Variants in HYDIN observed in about 807,000 individuals in gnomAD.
HYDIN encodes HYDIN axonemal central pair apparatus protein.
A neutral mutation model predicts 403.9 loss-of-function variants in HYDIN; 132 were observed. The observed-to-expected ratio is 0.33, with a 90% CI of 0.28 to 0.38. The LOEUF is 0.38. Among genes scored for constraint, HYDIN ranks in the 10% least tolerant of loss-of-function variants. The probability of loss-of-function intolerance (pLI) is 1.00; values close to 1 mark genes in which losing one functional copy is unlikely to be tolerated. For missense variants in HYDIN, 2,827 were observed against 5,009.5 expected (o/e 0.56, Z 13.15); for synonymous variants, 1,202 against 1,891.7 (o/e 0.64, Z 9.46).
rs1356601232 is a variant in HYDIN, at chr16:70,802,294, T to A, written c.*5286A>T. On this transcript the variant is annotated 3_prime_UTR_variant, in exon 86 of 86. Transcript: ENST00000393567. ...TCAGCGTGAACAAGACTTGTAAATA[T>A]GATGGGCTATGCATCACTCACATGA... The A allele has an allele frequency of 6.6e-6, 1 of 152,196 alleles. No individual in the cohort carries two copies. Among genetic ancestry groups the A allele is most frequent in the African/African-American group, 2.4e-5 (1 of 41,444 alleles). The allele number at this position is 152,196 out of a possible 1,614,324, so 9.4% of individuals were successfully genotyped here. A position where few individuals can be genotyped will look rare whatever the true frequency, so the allele number is the denominator to read the frequency against.
chr16:70,834,872 A>ATGTG (rs144727422), intron 78 of HYDIN, among the ~76,000 whole-genome samples: 42 of 147,592 alleles, frequency 2.8e-4, no homozygotes, highest in African/African-American at 9.9e-4. Context: ...AAACATATAT[A>ATGTG]TATGTGTGTG....
chr16:70,957,483 C>T (rs1222316506), intron 39 of HYDIN, among the ~76,000 whole-genome samples: 10 of 151,980 alleles, frequency 6.6e-5, no homozygotes, highest in Non-Finnish European at 1.3e-4. Context: ...CCTGCTACCA[C>T]GCCCGGCTAA....
intron 23 of HYDIN, among the ~76,000 whole-genome samples, chr16:70,997,077 G>C (rs1165835096): frequency 6.6e-6 from 1 of 151,608 alleles, no homozygotes; most frequent in Non-Finnish European, 1.5e-5. Flanking sequence ...ATCCTCATAA[G>C]GAGCATGCAA....
chr16:71,056,169 C>G (rs1350647964), intron 18 of HYDIN, among the ~76,000 whole-genome samples: 4 of 140,492 alleles, frequency 2.8e-5, no homozygotes, highest in Non-Finnish European at 4.6e-5. Flanking sequence ...ACCAGAGGTG[C>G]CTTATTTGAT....
At position 70,947,420 on chromosome 16, in the gene HYDIN, T is replaced by C. The variant is rs2077906958; in HGVS notation, c.6532-3471A>G. Among the ~76,000 whole-genome samples, 3 of 152,210 alleles carry C rather than the reference T, an allele frequency of 2.0e-5. No individual in the cohort carries two copies. The South Asian group carries it at 6.2e-4, about 32-fold the overall frequency. On this transcript the variant is annotated intron_variant, in intron 41 of 85. Transcript: ENST00000393567. ...TGATCATGGTGGATAAGCTTTCTGA[T>C]GTGCTGCTGGATTCGGTTTGCCAGT...
intron 58 of HYDIN, among the ~76,000 whole-genome samples, chr16:70,887,727 C>CA (rs2041226062): frequency 6.7e-6 from 1 of 148,256 alleles, no homozygotes; most frequent in African/African-American, 2.5e-5. Context: ...TCTGTTGCCC[C>CA]AGCTGGAGTG....
In HYDIN at chr16:71,066,711, T is replaced by A. The variant is rs545698188; in HGVS notation, c.2075+579A>T. The A allele has an allele frequency of 6.3e-5, 23 of 366,234 alleles. No homozygotes were observed. The East Asian group carries it at 1.2e-3, about 19-fold the overall frequency. The allele number at this position is 366,234 out of a possible 1,614,324, so 22.7% of individuals were successfully genotyped here. A position where few individuals can be genotyped will look rare whatever the true frequency, so the allele number is the denominator to read the frequency against. On this transcript the variant is annotated intron_variant, in intron 15 of 85. Transcript: ENST00000393567. ...CAAAAGGACACAGTCAACAAATGGC[T>A]GAGCCAGGATTTTAACCCAGCTGCC...
intron 13 of HYDIN, among the ~76,000 whole-genome samples, chr16:71,074,613 C>T (rs1387288223): frequency 1.2e-4 from 15 of 125,072 alleles, no homozygotes; most frequent in African/African-American, 3.6e-4. Context: ...GCTCCGGAGG[C>T]GGAGATTGCA....
chr16:70,926,479 G>T (rs1017802225), intron 45 of HYDIN, among the ~76,000 whole-genome samples: 4 of 151,802 alleles, frequency 2.6e-5, no homozygotes, highest in Non-Finnish European at 5.9e-5. Flanking sequence ...GGGGAGAGGG[G>T]AGGGATAGCA....
In HYDIN at chr16:71,020,265, A is replaced by G. The variant is rs774421883; in HGVS notation, c.3239T>C (p.Ile1080Thr). ...PDYQPLAIKN[I>T]STLPVNLLLS... ...CAACAAGTTCACGGGCAGGGTGGAA[A>G]TGTTCTTTATGGCCAAGGGCTGGTA... is the stretch of plus-strand genomic sequence containing the variant. The change falls in exon 22 of 86, where the codon ATT becomes ACT. Residue 1080 changes from isoleucine to threonine, a missense_variant. Physicochemically the swap from Ile to Thr is moderately conservative, Grantham distance 89. Transcript: ENST00000393567. The G allele has an allele frequency of 9.9e-5, 160 of 1,613,990 alleles. No homozygotes were observed. The highest frequency in any genetic ancestry group is 1.3e-4 in the Non-Finnish European group (158 of 1,180,018).
Position 71,145,991 on chromosome 16 carries a change from CAACA to C in HYDIN, c.841+6664_841+6667del, listed in dbSNP as rs529544499. ...CTCTAAATCAGCTGAACTCAAAACT[CAACA>C]AATAGCGTTTTTTGAAATTATACCC... On this transcript the variant is annotated intron_variant, in intron 7 of 85. Coordinates refer to ENST00000393567, the MANE Select transcript of HYDIN (RefSeq NM_001270974.2). Among the ~76,000 whole-genome samples the C allele has an allele frequency of 1.1e-3, 167 of 152,258 alleles. No homozygotes were observed. The South Asian group carries it at 0.018, about 16-fold the overall frequency.
rs746248081 is a variant in HYDIN at position 70,874,852 on chromosome 16, A to G, written c.10625T>C (p.Ile3542Thr). The G allele has an allele frequency of 1.2e-6, 2 of 1,613,538 alleles. No individual in the cohort carries two copies. The highest frequency in any genetic ancestry group is 8.5e-7 in the Non-Finnish European group (1 of 1,179,828). ...SLKGRPTTAY[I>T]YITEENKPHV... is the part of the protein sequence containing the mutation. ...TGGTTTATTTTCCTCTGTGATGTAG[A>G]TATACGCGGTGGTGGGCCTCCCTTT... is the stretch of plus-strand genomic sequence containing the variant. The change falls in exon 63 of 86, where the codon ATC becomes ACC. Residue 3542 changes from isoleucine (I) to threonine (T), a missense_variant. Coordinates refer to ENST00000393567, the MANE Select transcript of HYDIN (RefSeq NM_001270974.2).
At chr16:70,854,396 G>A (rs796366027) in intron 73 of HYDIN, among the ~76,000 whole-genome samples, 16 of 149,142 alleles carry the variant, frequency 1.1e-4, no homozygotes, top group African/African-American at 2.2e-4. Context: ...CACCACACCC[G>A]GCTAATTATT....
intron 16 of HYDIN, 175 bp from the exon 17 acceptor site, chr16:71,062,508 G>C (rs2082125756): frequency 3.6e-6 from 2 of 557,324 alleles, no homozygotes; most frequent in African/African-American, 1.9e-5. Flanking sequence ...TTGGTTAAGT[G>C]GGATGTGCGT....
intron 9 of HYDIN, among the ~76,000 whole-genome samples, chr16:71,116,050 G>A (rs911798262): frequency 8.6e-5 from 13 of 151,964 alleles, no homozygotes; most frequent in Non-Finnish European, 1.8e-4. Context: ...CTCTTAGCAA[G>A]TACCCAACAT....
In HYDIN at chr16:71,067,281, G is replaced by C. The variant is rs576267561; in HGVS notation, c.2075+9C>G. The C allele has an allele frequency of 3.8e-6, 6 of 1,589,282 alleles. No individual in the cohort carries two copies. Among genetic ancestry groups the C allele is most frequent in the Non-Finnish European group, 5.2e-6 (6 of 1,159,422 alleles). On this transcript the variant is annotated intron_variant, in intron 15 of 85. Transcript: ENST00000393567. Reference sequence around the variant, plus strand: ...CGACTCAGGAGAAGAGCAAGCTGGGGAGCAATACCTTGCTGTAATTAAGAG... The same window carrying C: ...CGACTCAGGAGAAGAGCAAGCTGGGCAGCAATACCTTGCTGTAATTAAGAG...
intron 12 of HYDIN, among the ~76,000 whole-genome samples, chr16:71,087,380 T>G (rs1354230622): frequency 6.7e-6 from 1 of 149,630 alleles, no homozygotes; most frequent in Non-Finnish European, 1.5e-5. Context: ...CCCTTTTCTA[T>G]GTGTATGTCT....
intron 83 of HYDIN, 48 bp downstream of exon 83, chr16:70,827,213 G>C: frequency 6.7e-6 from 1 of 149,802 alleles, no homozygotes. Context: ...ATCAAACTCA[G>C]GGTCAAATGT....
At chr16:71,110,368 T>C in intron 10 of HYDIN, among the ~76,000 whole-genome samples, 1 of 139,330 alleles carries the variant, frequency 7.2e-6, no homozygotes, top group Non-Finnish European at 1.5e-5. Context: ...TATATTTATA[T>C]ATAAAATAAA....
Sources: gnomAD v4.1 joint callset for allele counts (sites outside exome capture counted in the v4.1 genomes callset) on GRCh38, gnomAD v4.1.1 for gene constraint, MANE v1.5 for transcripts, NCBI Gene and HGNC (gene_info 2026-07-23, HGNC 2026-07-21) for gene names.